The following SLC2A9 variants were observed in gnomAD, a reference collection of about 807,000 sequenced individuals.
SLC2A9 encodes the protein solute carrier family 2 member 9.
Under a neutral mutation model 50.6 loss-of-function variants are expected in SLC2A9, and 39 were observed. The ratio of observed to expected loss-of-function variants is 0.77; its 90% CI spans 0.60 to 1.01. The LOEUF (loss-of-function observed/expected upper bound fraction) is 1.01, where lower values mean the gene tolerates loss of function less well. SLC2A9 is among the 50% of genes least tolerant of loss of function. The pLI, the probability that SLC2A9 is intolerant of heterozygous loss-of-function variation, is 0.00. For missense variants in SLC2A9, 686 were observed against 677.6 expected, an observed-to-expected ratio of 1.01 and a Z score of -0.14; for synonymous variants, 324 against 276.9, an observed-to-expected ratio of 1.17 and a Z score of -1.69.
intron 10 of SLC2A9, among the ~76,000 whole-genome samples, chr4:9,878,775 G>GTGTCTGAAGTGAGGGCAGTCT (rs1395998980): frequency 6.6e-6 from 1 of 152,060 alleles, no homozygotes; most frequent in East Asian, 1.9e-4. Context: ...TTTTTGGTTG[G>GTGTCTGAAGTGAGGGCAGTCT]TGTCTGAAGT....
chr4:9,878,194 C>T (rs1734602004), intron 10 of SLC2A9, among the ~76,000 whole-genome samples: 3 of 151,926 alleles, frequency 2.0e-5, no homozygotes, highest in Non-Finnish European at 4.4e-5. Context: ...ATTTTTGTCC[C>T]TAGTTTTTGG....
At chr4:9,917,926 T>C (rs1327305831) in intron 7 of SLC2A9, among the ~76,000 whole-genome samples, 1 of 152,058 alleles carries the variant, frequency 6.6e-6, no homozygotes, top group Non-Finnish European at 1.5e-5. Flanking sequence ...GATATGAGGC[T>C]GAGAAATGCA....
chr4:9,885,281 C>T (rs1042567750), intron 10 of SLC2A9, among the ~76,000 whole-genome samples: 1 of 152,154 alleles, frequency 6.6e-6, no homozygotes, highest in Non-Finnish European at 1.5e-5. Context: ...ACAACAGGTG[C>T]TCAATAAAGG....
At chr4:9,875,721 C>T (rs887692730) in intron 10 of SLC2A9, among the ~76,000 whole-genome samples, 3 of 152,212 alleles carry the variant, frequency 2.0e-5, no homozygotes, top group African/African-American at 7.2e-5. Context: ...TATCCACCTC[C>T]CCTTTTCCCC....
intron 3 of SLC2A9, among the ~76,000 whole-genome samples, chr4:9,814,306 A>G (rs926911338): frequency 6.6e-6 from 1 of 152,234 alleles, no homozygotes; most frequent in Non-Finnish European, 1.5e-5. Context: ...TTATATTCCA[A>G]TTACCTAGCA....
rs1369606351 is a variant in SLC2A9 at position 9,862,993 on chromosome 4, C to T, written c.1291+24574G>A. 1.3e-5 allele frequency among the ~76,000 whole-genome samples: 2 copies of T among 152,020 alleles called. 1 individual carries two copies. Among genetic ancestry groups the T allele is most frequent in the African/African-American group, 4.8e-5 (2 of 41,302 alleles). On this transcript the variant is annotated intron_variant, in intron 10 of 11. Transcript: ENST00000264784. ...CTTTCTATTGCATTGGACAATAAAGCACAATGAATGTGCCCCGCCCAGGGA... is the reference window on the plus strand; with the variant it reads ...CTTTCTATTGCATTGGACAATAAAGTACAATGAATGTGCCCCGCCCAGGGA...
intron 5 of SLC2A9, among the ~76,000 whole-genome samples, chr4:9,967,388 A>G (rs1056074104): frequency 2.6e-5 from 4 of 152,062 alleles, no homozygotes; most frequent in Non-Finnish European, 1.5e-5. Flanking sequence ...TTATAAAACT[A>G]AAAAAGGATT....
At chr4:9,782,760 C>T in intron 3 of SLC2A9, 2 of 1,613,950 alleles carry the variant, frequency 1.2e-6, no homozygotes, top group Non-Finnish European at 1.7e-6. Context: ...ATGATCGTGA[C>T]CTACACGCGC....
At chr4:9,815,068 G>A (rs1038329875) in intron 3 of SLC2A9, among the ~76,000 whole-genome samples, 2 of 152,176 alleles carry the variant, frequency 1.3e-5, no homozygotes, top group African/African-American at 4.8e-5. Flanking sequence ...TTGAATCACA[G>A]AAAATAACCC....
chr4:9,876,494 G>C (rs1734342167), intron 10 of SLC2A9, among the ~76,000 whole-genome samples: 1 of 152,194 alleles, frequency 6.6e-6, no homozygotes, highest in African/African-American at 2.4e-5. Context: ...AGGAGGCTGA[G>C]GTGGGAGGAT....
At chr4:9,809,319 G>A (rs1472267707) in intron 3 of SLC2A9, among the ~76,000 whole-genome samples, 2 of 152,134 alleles carry the variant, frequency 1.3e-5, no homozygotes, top group East Asian at 3.9e-4. Context: ...TGGTTGCTTG[G>A]GGTCATGGGA....
intron 5 of SLC2A9, among the ~76,000 whole-genome samples, chr4:9,964,413 C>A (rs115269518): frequency 2.0e-5 from 3 of 152,210 alleles, no homozygotes; most frequent in Admixed American, 1.3e-4. Flanking sequence ...AACCTCTAAA[C>A]TTCTTTTCTC....
In SLC2A9 at chr4:9,895,118, T is replaced by A. The variant is rs79687993; in HGVS notation, c.1114-4407A>T. ...AGTTGAGAACCATTATCTTACACCATGATGCTGACGTTCAAATACTTTGGA... is the reference window on the plus strand; with the variant it reads ...AGTTGAGAACCATTATCTTACACCAAGATGCTGACGTTCAAATACTTTGGA... On this transcript the variant is annotated intron_variant, in intron 8 of 11. Transcript: ENST00000264784. Among the ~76,000 whole-genome samples the A allele has an allele frequency of 4.1e-3, 631 of 152,332 alleles. 7 individuals carry two copies. Among genetic ancestry groups the A allele is most frequent in the African/African-American group, 0.015 (603 of 41,570 alleles).
chr4:9,810,370 C>A (rs1462766027), intron 3 of SLC2A9, among the ~76,000 whole-genome samples: 1 of 152,196 alleles, frequency 6.6e-6, no homozygotes, highest in Admixed American at 6.5e-5. Context: ...GAAGTGGGGA[C>A]AATACCTAGA....
At chr4:9,818,893 C>T (rs562368953) in intron 3 of SLC2A9, among the ~76,000 whole-genome samples, 22 of 151,918 alleles carry the variant, frequency 1.4e-4, no homozygotes, top group Admixed American at 2.0e-4. Flanking sequence ...GAGGCTGGGG[C>T]GGGTGGATCA....
chr4:9,801,435 G>A (rs1022773402), intron 3 of SLC2A9, among the ~76,000 whole-genome samples: 13 of 152,224 alleles, frequency 8.5e-5, no homozygotes, highest in African/African-American at 2.7e-4. Flanking sequence ...ACTTGAGGGT[G>A]TGTTTTTGAG....
At chr4:9,968,961 A>G (rs2108992686) in intron 5 of SLC2A9, among the ~76,000 whole-genome samples, 1 of 152,176 alleles carries the variant, frequency 6.6e-6, no homozygotes, top group South Asian at 2.1e-4. Flanking sequence ...AATGACTATC[A>G]CACAGTGCCC....
At chr4:9,783,116 G>A in intron 3 of SLC2A9, 1 of 1,614,210 alleles carries the variant, frequency 6.2e-7, no homozygotes, top group Non-Finnish European at 8.5e-7. Context: ...TGCCTTCAAC[G>A]CCGACTTTCA....
chr4:9,840,100 A>C (rs922774433), intron 10 of SLC2A9, among the ~76,000 whole-genome samples: 2 of 152,142 alleles, frequency 1.3e-5, no homozygotes, highest in African/African-American at 4.8e-5. Context: ...AAGGTAAGTA[A>C]TTTTTTCAAG....
Sources: gnomAD v4.1 joint callset for allele counts (sites outside exome capture counted in the v4.1 genomes callset) on GRCh38, gnomAD v4.1.1 for gene constraint, MANE v1.5 for transcripts, NCBI Gene and HGNC (gene_info 2026-07-23, HGNC 2026-07-21) for gene names.